Variants in MSRA observed in about 807,000 individuals in gnomAD.
The protein encoded by MSRA is methionine sulfoxide reductase A.
Under a neutral mutation model 31.3 loss-of-function variants are expected in MSRA, and 54 were observed. The ratio of observed to expected loss-of-function variants is 1.73; its 90% CI spans 1.39 to 2.17. MSRA has a LOEUF of 2.17. Ranked by LOEUF, MSRA falls within the 30% of genes most tolerant of loss-of-function variation. The pLI is 0.00. For synonymous variants in MSRA, 169 were observed against 116.5 expected, an observed-to-expected ratio of 1.45 and a Z score of -2.90; for missense variants, 507 against 300.9, an observed-to-expected ratio of 1.69 and a Z score of -5.07.
chr8:10,141,673 T>A (rs1802718671), intron 1 of MSRA, among the ~76,000 whole-genome samples: 1 of 152,096 alleles, frequency 6.6e-6, no homozygotes, highest in Non-Finnish European at 1.5e-5. Context: ...GATACACAGA[T>A]AAATGGGACC....
chr8:10,130,355 G>A (rs1220913514), intron 1 of MSRA, among the ~76,000 whole-genome samples: 3 of 152,150 alleles, frequency 2.0e-5, no homozygotes, highest in Non-Finnish European at 2.9e-5. Flanking sequence ...GGTATTACTC[G>A]GTGAGAATGT....
intron 1 of MSRA, among the ~76,000 whole-genome samples, chr8:10,068,421 G>C (rs1772464089): frequency 6.6e-6 from 1 of 152,128 alleles, no homozygotes; most frequent in Non-Finnish European, 1.5e-5. Flanking sequence ...TTTCTCCTGT[G>C]TTATCTTCTA....
intron 5 of MSRA, among the ~76,000 whole-genome samples, chr8:10,389,790 C>CTT (rs55769720): frequency 4.7e-4 from 58 of 123,404 alleles, no homozygotes; most frequent in African/African-American, 1.3e-3. Context: ...GAAACTTACT[C>CTT]TTTTTTTTTT....
chr8:10,197,838 G>T (rs1808128535), intron 1 of MSRA, among the ~76,000 whole-genome samples: 1 of 152,200 alleles, frequency 6.6e-6, no homozygotes, highest in East Asian at 1.9e-4. Context: ...CGAACAGCTT[G>T]AGTGTGCGTC....
At chr8:10,405,737 G>T in intron 5 of MSRA, among the ~76,000 whole-genome samples, 1 of 152,056 alleles carries the variant, frequency 6.6e-6, no homozygotes, top group South Asian at 2.1e-4. Flanking sequence ...AATCACACAC[G>T]TGTGTTCACA....
chr8:10,420,099 A>G (rs752135546), intron 5 of MSRA, among the ~76,000 whole-genome samples: 3 of 152,216 alleles, frequency 2.0e-5, no homozygotes, highest in Non-Finnish European at 1.5e-5. Flanking sequence ...AATAGTGTGC[A>G]GCCTTAAAAA....
In MSRA at chr8:10,054,674, A is replaced by G. The variant is rs754803074; in HGVS notation, c.142+16A>G. ...CCTGTAGCGGGTAAGCACTGGCCACACGGAAGGCGCGGGCGGCGACGCTGC... is the reference window on the plus strand; with the variant it reads ...CCTGTAGCGGGTAAGCACTGGCCACGCGGAAGGCGCGGGCGGCGACGCTGC... On this transcript the variant is annotated intron_variant, in intron 1 of 5. Coordinates refer to ENST00000317173, the MANE Select transcript of MSRA (RefSeq NM_012331.5). 2 of 1,497,114 alleles carry G rather than the reference A, an allele frequency of 1.3e-6. No individual in the cohort carries two copies. The highest frequency in any genetic ancestry group is 2.1e-5 in the Admixed American group (1 of 46,850). The allele number at this position is 1,497,114 out of a possible 1,614,324, so 92.7% of individuals were successfully genotyped here. A position where few individuals can be genotyped will look rare whatever the true frequency, so the allele number is the denominator to read the frequency against.
At chr8:10,120,680 A>T (rs1049470971) in intron 1 of MSRA, among the ~76,000 whole-genome samples, 1 of 152,250 alleles carries the variant, frequency 6.6e-6, no homozygotes, top group South Asian at 2.1e-4. Flanking sequence ...GGAGATGATC[A>T]TGTAAACAAA....
chr8:10,228,505 T>C (rs538110718), intron 2 of MSRA, among the ~76,000 whole-genome samples: 1 of 152,316 alleles, frequency 6.6e-6, no homozygotes, highest in Non-Finnish European at 1.5e-5. Flanking sequence ...ATCTATGTAA[T>C]GAATAATTTG....
rs185294537 is a variant in MSRA at position 10,317,813 on chromosome 8, G to C, written c.437-2070G>C. Among the ~76,000 whole-genome samples the C allele has an allele frequency of 2.4e-4, 37 of 152,318 alleles. No homozygotes were observed. The East Asian group carries it at 6.2e-3, about 25-fold the overall frequency. ...CAACACTTGTTGCATCTGTGGGAAA[G>C]GGGGCTCTGGGTCATTGCTTGGTGA... is the stretch of plus-strand genomic sequence containing the variant. On this transcript the variant is annotated intron_variant, in intron 4 of 5. Coordinates refer to ENST00000317173, the MANE Select transcript of MSRA (RefSeq NM_012331.5).
chr8:10,317,015 A>G (rs1801764858), intron 4 of MSRA, among the ~76,000 whole-genome samples: 1 of 152,168 alleles, frequency 6.6e-6, no homozygotes, highest in South Asian at 2.1e-4. Context: ...AGCAGACTGT[A>G]AGGCAGGATC....
At chr8:10,161,106 T>C (rs763560210) in intron 1 of MSRA, among the ~76,000 whole-genome samples, 4 of 152,194 alleles carry the variant, frequency 2.6e-5, no homozygotes, top group East Asian at 1.9e-4. Context: ...CTTCCAGATA[T>C]CCACTTTCTA....
At chr8:10,353,755 C>G in intron 5 of MSRA, 1 of 389,772 alleles carries the variant, frequency 2.6e-6, no homozygotes, top group South Asian at 1.9e-5. Flanking sequence ...CAGCAGAGGA[C>G]AGGGTTCCAC....
intron 5 of MSRA, among the ~76,000 whole-genome samples, chr8:10,341,328 G>A (rs1803413700): frequency 6.6e-6 from 1 of 152,276 alleles, no homozygotes; most frequent in African/African-American, 2.4e-5. Flanking sequence ...ATCACATGGT[G>A]AAAGCAGGAG....
intron 1 of MSRA, among the ~76,000 whole-genome samples, chr8:10,189,521 T>TA (rs35506935): frequency 1.3e-5 from 2 of 152,130 alleles, no homozygotes; most frequent in Admixed American, 6.5e-5. Flanking sequence ...CCTTGTTGAC[T>TA]AAAAAAAGTT....
chr8:10,392,659 C>T (rs1179827249), intron 5 of MSRA, among the ~76,000 whole-genome samples: 2 of 148,932 alleles, frequency 1.3e-5, no homozygotes, highest in African/African-American at 2.5e-5. Flanking sequence ...TTGCCTGTGA[C>T]CATCACTTGG....
chr8:10,215,930 A>G (rs1361915338), intron 2 of MSRA, among the ~76,000 whole-genome samples: 1 of 152,204 alleles, frequency 6.6e-6, no homozygotes, highest in Non-Finnish European at 1.5e-5. Flanking sequence ...AATACATTCA[A>G]CAGGATGTTC....
chr8:10,380,450 A>G (rs1310980421), intron 5 of MSRA, among the ~76,000 whole-genome samples: 2 of 152,158 alleles, frequency 1.3e-5, no homozygotes, highest in African/African-American at 4.8e-5. Context: ...TTCACTTTTC[A>G]AATTTCTTTC....
chr8:10,067,168 T>C (rs185466072), intron 1 of MSRA, among the ~76,000 whole-genome samples: 2 of 152,306 alleles, frequency 1.3e-5, no homozygotes, highest in African/African-American at 4.8e-5. Context: ...CTTTACCTAT[T>C]TGTCCATCTC....
Sources: gnomAD v4.1 joint callset for allele counts (sites outside exome capture counted in the v4.1 genomes callset) on GRCh38, gnomAD v4.1.1 for gene constraint, MANE v1.5 for transcripts, NCBI Gene and HGNC (gene_info 2026-07-23, HGNC 2026-07-21) for gene names.